The following MACROD2 variants were observed in gnomAD, a reference collection of about 807,000 sequenced individuals.
MACROD2 encodes the protein mono-ADP ribosylhydrolase 2, also known as ADP-ribose glycohydrolase MACROD2.
In MACROD2, 36 loss-of-function variants were observed where a neutral mutation model predicts 70.4. That is an observed-to-expected ratio of 0.51 (90% confidence interval 0.39 to 0.68). MACROD2 has a LOEUF of 0.68. Ranked by LOEUF, MACROD2 falls within the 30% of genes least tolerant of loss-of-function variation. The pLI, the probability that MACROD2 is intolerant of heterozygous loss-of-function variation, is 0.00. For missense variants in MACROD2, 496 were observed against 538.4 expected (o/e 0.92, Z 0.78); for synonymous variants, 172 against 178.8 (o/e 0.96, Z 0.30).
chr20:14,855,321 A>C lies in MACROD2; in HGVS notation c.418+170362A>C, dbSNP rs568419146. 2.1e-4 allele frequency among the ~76,000 whole-genome samples: 32 copies of C among 152,186 alleles called. 1 individual carries two copies. In the South Asian group the frequency reaches 6.6e-3, roughly 32 times the overall value. ...TTCATTAACTAGCTTGTTACCATAGATTTCTCACATTTGCTAATTAAAAAA... is the reference window on the plus strand; with the variant it reads ...TTCATTAACTAGCTTGTTACCATAGCTTTCTCACATTTGCTAATTAAAAAA... On this transcript the variant is annotated intron_variant, in intron 5 of 17. Coordinates refer to ENST00000684519, the MANE Select transcript of MACROD2 (RefSeq NM_001351661.2).
intron 7 of MACROD2, among the ~76,000 whole-genome samples, chr20:15,465,850 G>T (rs1273726084): frequency 6.6e-6 from 1 of 152,142 alleles, no homozygotes. Context: ...GTGGAGGAAG[G>T]TGACTTCCAT....
At chr20:15,195,527 T>A (rs941831407) in intron 5 of MACROD2, among the ~76,000 whole-genome samples, 1 of 151,846 alleles carries the variant, frequency 6.6e-6, no homozygotes, top group Non-Finnish European at 1.5e-5. Context: ...AAAACCACAG[T>A]GAGATACCAT....
chr20:14,053,094 T>TC (rs2053590115), intron 2 of MACROD2: 1 of 146,696 alleles, frequency 6.8e-6, no homozygotes, highest in East Asian at 2.0e-4. Context: ...TTTTTTTTTT[T>TC]CTAGCTTGGG....
chr20:15,168,440 G>GGTGTGTGT (rs1555789084), intron 5 of MACROD2, among the ~76,000 whole-genome samples: 17 of 105,306 alleles, frequency 1.6e-4, no homozygotes. Flanking sequence ...CACATTGTGG[G>GGTGTGTGT]ATGTGTGTGT....
chr20:14,709,936 A>G (rs1269361943), intron 5 of MACROD2, among the ~76,000 whole-genome samples: 1 of 152,192 alleles, frequency 6.6e-6, no homozygotes, highest in Non-Finnish European at 1.5e-5. Context: ...CATCTTTTAA[A>G]TGAGAATATT....
intron 3 of MACROD2, among the ~76,000 whole-genome samples, chr20:14,428,693 A>G (rs2083962328): frequency 6.6e-6 from 1 of 152,188 alleles, no homozygotes; most frequent in Admixed American, 6.6e-5. Flanking sequence ...AGGGTTGCTT[A>G]GAATACTTCT....
intron 5 of MACROD2, among the ~76,000 whole-genome samples, chr20:14,763,818 C>T (rs991569440): frequency 2.0e-5 from 3 of 151,974 alleles, no homozygotes; most frequent in Non-Finnish European, 4.4e-5. Context: ...AGCTGTACAT[C>T]TAAAACCCGG....
chr20:14,993,265 CTT>C (rs559777859), intron 5 of MACROD2, among the ~76,000 whole-genome samples: 98 of 140,580 alleles, frequency 7.0e-4, no homozygotes, highest in Admixed American at 7.8e-4. Context: ...GCTATGGTTA[CTT>C]TTTTTTTTTT....
At chr20:14,104,593 G>C (rs1207311854) in intron 3 of MACROD2, among the ~76,000 whole-genome samples, 1 of 152,166 alleles carries the variant, frequency 6.6e-6, no homozygotes, top group Non-Finnish European at 1.5e-5. Flanking sequence ...ACTCAGGACA[G>C]TTTTTCTGAA....
At chr20:15,481,082 C>G (rs2047090786) in intron 7 of MACROD2, among the ~76,000 whole-genome samples, 5 of 152,174 alleles carry the variant, frequency 3.3e-5, no homozygotes. Context: ...ACATGAAGGA[C>G]CACACGTATT....
At chr20:14,027,838 G>C (rs2053193162) in intron 2 of MACROD2, among the ~76,000 whole-genome samples, 1 of 152,178 alleles carries the variant, frequency 6.6e-6, no homozygotes, top group African/African-American at 2.4e-5. Flanking sequence ...TCCTGTATGA[G>C]GTGTCTGTCG....
At chr20:14,039,439 A>AT (rs1176220923) in intron 2 of MACROD2, among the ~76,000 whole-genome samples, 1 of 152,044 alleles carries the variant, frequency 6.6e-6, no homozygotes, top group Non-Finnish European at 1.5e-5. Flanking sequence ...CTTATGTTTT[A>AT]TTTTTTTCTT....
intron 5 of MACROD2, among the ~76,000 whole-genome samples, chr20:14,840,979 G>C (rs1270350088): frequency 1.3e-5 from 2 of 152,090 alleles, no homozygotes; most frequent in African/African-American, 2.4e-5. Context: ...CGTGAAACGA[G>C]TGTTATTATT....
At chr20:15,506,812 G>T (rs764800403) in intron 8 of MACROD2, among the ~76,000 whole-genome samples, 18 of 152,198 alleles carry the variant, frequency 1.2e-4, no homozygotes, top group Admixed American at 3.9e-4. Flanking sequence ...CAGGGGTGTG[G>T]TTAACATTCA....
Position 14,520,662 on chromosome 20 carries a change from A to G in MACROD2, c.301+27154A>G, listed in dbSNP as rs1430884236. Among the ~76,000 whole-genome samples, 4 of 152,260 alleles carry G rather than the reference A, an allele frequency of 2.6e-5. No homozygotes were observed. The East Asian group carries it at 7.7e-4, about 29-fold the overall frequency. On this transcript the variant is annotated intron_variant, in intron 4 of 17. Transcript: ENST00000684519. ...CTACCGATTCTTTATAATTCAGCTC[A>G]AATATTAATACCACCTACTTTGTGT...
intron 3 of MACROD2, among the ~76,000 whole-genome samples, chr20:14,239,166 T>A (rs1197798619): frequency 1.3e-5 from 2 of 151,946 alleles, no homozygotes; most frequent in African/African-American, 4.8e-5. Flanking sequence ...CAGTTAACTA[T>A]AGAGGTTAAA....
rs77395065 is a variant in MACROD2 at position 15,799,702 on chromosome 20, T to A, written c.646-63043T>A. On this transcript the variant is annotated intron_variant, in intron 8 of 17. Transcript: ENST00000684519. ...TATCCATTCATTCGTTAATGGACAGTAAGGTTGATTCCCCACCTTGACTAT... is the reference window on the plus strand; with the variant it reads ...TATCCATTCATTCGTTAATGGACAGAAAGGTTGATTCCCCACCTTGACTAT... Among the ~76,000 whole-genome samples the A allele has an allele frequency of 4.4e-3, 675 of 152,332 alleles. 6 individuals are homozygous for A. Among genetic ancestry groups the A allele is most frequent in the East Asian group, 0.015 (77 of 5,184 alleles).
chr20:14,710,528 A>G (rs2071325960), intron 5 of MACROD2, among the ~76,000 whole-genome samples: 1 of 152,210 alleles, frequency 6.6e-6, no homozygotes, highest in African/African-American at 2.4e-5. Context: ...TCCTAAAATA[A>G]TTGTTTCAAT....
intron 9 of MACROD2, among the ~76,000 whole-genome samples, chr20:15,874,176 T>G (rs2064631939): frequency 6.6e-6 from 1 of 151,666 alleles, no homozygotes; most frequent in African/African-American, 2.4e-5. Flanking sequence ...TTTGGTTTTC[T>G]GTCCTTGTGA....
Sources: gnomAD v4.1 joint callset for allele counts (sites outside exome capture counted in the v4.1 genomes callset) on GRCh38, gnomAD v4.1.1 for gene constraint, MANE v1.5 for transcripts, NCBI Gene and HGNC (gene_info 2026-07-23, HGNC 2026-07-21) for gene names.